The following DNM3 variants were observed in gnomAD, a reference collection of about 807,000 sequenced individuals.
DNM3 encodes dynamin 3.
DNM3 carries 47 observed loss-of-function variants against 101.6 expected under a neutral mutation model. The ratio of observed to expected loss-of-function variants is 0.46; its 90% CI spans 0.37 to 0.59. The LOEUF (loss-of-function observed/expected upper bound fraction) is 0.59. Ranked by LOEUF, DNM3 falls within the 20% of genes least tolerant of loss-of-function variation. The pLI, the probability that DNM3 is intolerant of heterozygous loss-of-function variation, is 0.00. For synonymous variants in DNM3, 385 were observed against 387.9 expected, an observed-to-expected ratio of 0.99 and a Z score of 0.09; for missense variants, 849 against 1,085.7, an observed-to-expected ratio of 0.78 and a Z score of 3.06.
At chr1:172,325,002 C>T (rs1001271868) in intron 17 of DNM3, among the ~76,000 whole-genome samples, 6 of 152,002 alleles carry the variant, frequency 3.9e-5, no homozygotes, top group African/African-American at 1.2e-4. Flanking sequence ...GTGGATTCAC[C>T]GATGAGTTAA....
intron 14 of DNM3, among the ~76,000 whole-genome samples, chr1:172,190,986 A>G (rs2059699479): frequency 6.6e-6 from 1 of 152,106 alleles, no homozygotes; most frequent in Non-Finnish European, 1.5e-5. Context: ...CTCTGATGGT[A>G]GTTTCTTTTG....
chr1:171,893,227 T>A (rs2037454691), intron 1 of DNM3, among the ~76,000 whole-genome samples: 2 of 152,218 alleles, frequency 1.3e-5, no homozygotes, highest in Non-Finnish European at 2.9e-5. Flanking sequence ...TATTTTTGTT[T>A]AAATTGCATG....
chr1:172,197,237 C>T (rs540121136), intron 14 of DNM3, among the ~76,000 whole-genome samples: 10 of 151,750 alleles, frequency 6.6e-5, no homozygotes, highest in African/African-American at 2.4e-4. Context: ...GCCTTATTTC[C>T]TGGCTTTCTA....
intron 14 of DNM3, among the ~76,000 whole-genome samples, chr1:172,184,015 GCTCAGTTA>G (rs986775081): frequency 5.3e-5 from 8 of 151,560 alleles, no homozygotes; most frequent in Admixed American, 3.3e-4. Flanking sequence ...TATGTTCTTG[GCTCAGTTA>G]CACTCAAGTA....
chr1:171,900,533 A>G (rs2038216492), intron 1 of DNM3, among the ~76,000 whole-genome samples: 1 of 152,076 alleles, frequency 6.6e-6, no homozygotes, highest in East Asian at 1.9e-4. Flanking sequence ...AATTTTCACC[A>G]CTTTTAGGAA....
In DNM3 at chr1:172,408,194, A is replaced by T; in HGVS notation, c.*353A>T. On this transcript the variant is annotated 3_prime_UTR_variant, in exon 21 of 21. Coordinates refer to ENST00000627582, the MANE Select transcript of DNM3 (RefSeq NM_015569.5). ...GGTAGCTCATTAAACGTAATTCTTC[A>T]GATATGAGATAGTGGGCTTAGACCT... 1.9e-6 allele frequency: 2 copies of T among 1,064,820 alleles called. No individual in the cohort carries two copies. Among genetic ancestry groups the T allele is most frequent in the Non-Finnish European group, 2.3e-6 (2 of 877,966 alleles). The allele number at this position is 1,064,820 out of a possible 1,614,324, so 66.0% of individuals were successfully genotyped here. A position where few individuals can be genotyped will look rare whatever the true frequency, so the allele number is the denominator to read the frequency against.
At chr1:172,072,847 A>G (rs1475670550) in intron 11 of DNM3, among the ~76,000 whole-genome samples, 1 of 152,200 alleles carries the variant, frequency 6.6e-6, no homozygotes, top group Non-Finnish European at 1.5e-5. Flanking sequence ...AGATTGCACC[A>G]TTGCACTCCA....
chr1:172,336,967 G>A (rs1263419193), intron 17 of DNM3, among the ~76,000 whole-genome samples: 1 of 152,158 alleles, frequency 6.6e-6, no homozygotes. Context: ...ATAGTGCAAG[G>A]AACAAACTTA....
At chr1:171,906,773 G>T (rs1354460777) in intron 1 of DNM3, among the ~76,000 whole-genome samples, 4 of 152,058 alleles carry the variant, frequency 2.6e-5, no homozygotes, top group Non-Finnish European at 4.4e-5. Context: ...AGGAAAAGAG[G>T]TTACATTTAT....
At chr1:172,233,469 G>T (rs969994869) in intron 14 of DNM3, among the ~76,000 whole-genome samples, 3 of 152,130 alleles carry the variant, frequency 2.0e-5, no homozygotes, top group African/African-American at 7.2e-5. Flanking sequence ...GTACAAGGAG[G>T]AACTGATACC....
chr1:171,931,691 T>A (rs941945932), intron 2 of DNM3, among the ~76,000 whole-genome samples: 2 of 152,230 alleles, frequency 1.3e-5, no homozygotes, highest in South Asian at 4.1e-4. Context: ...TACTACCATC[T>A]ATTTCTGAAT....
intron 2 of DNM3, among the ~76,000 whole-genome samples, chr1:171,947,642 A>G (rs1015568118): frequency 3.9e-5 from 6 of 152,172 alleles, no homozygotes; most frequent in Non-Finnish European, 8.8e-5. Flanking sequence ...CTAAGTTAAG[A>G]TAATAAACTA....
intron 15 of DNM3, among the ~76,000 whole-genome samples, chr1:172,270,746 A>G (rs929853673): frequency 3.3e-5 from 5 of 152,176 alleles, no homozygotes; most frequent in African/African-American, 1.2e-4. Flanking sequence ...TGCAACGTCT[A>G]ACTGTAGCGA....
At chr1:172,082,336 T>C (rs2125989349) in intron 12 of DNM3, among the ~76,000 whole-genome samples, 1 of 152,278 alleles carries the variant, frequency 6.6e-6, no homozygotes, top group South Asian at 2.1e-4. Flanking sequence ...TTTTTTTTTT[T>C]TTTTTAAACT....
intron 15 of DNM3, among the ~76,000 whole-genome samples, chr1:172,270,233 C>T (rs1298356871): frequency 2.0e-5 from 3 of 149,332 alleles, no homozygotes; most frequent in African/African-American, 7.4e-5. Context: ...AAAGTAATAA[C>T]ACCTTGCCTA....
intron 16 of DNM3, among the ~76,000 whole-genome samples, chr1:172,320,311 A>G (rs1319939765): frequency 6.6e-6 from 1 of 151,806 alleles, no homozygotes; most frequent in East Asian, 1.9e-4. Context: ...GCAGCACACC[A>G]GCATGGCACA....
chr1:172,228,467 AT>A (rs2061218197), intron 14 of DNM3, among the ~76,000 whole-genome samples: 1 of 151,916 alleles, frequency 6.6e-6, no homozygotes, highest in Non-Finnish European at 1.5e-5. Context: ...CTGTTGTCTA[AT>A]TTTTATATTA....
chr1:172,369,383 A>C (rs1403819415), intron 17 of DNM3, among the ~76,000 whole-genome samples: 1 of 152,010 alleles, frequency 6.6e-6, no homozygotes, highest in African/African-American at 2.4e-5. Flanking sequence ...CAATATAATC[A>C]TCTCAATAGA....
Position 171,841,618 on chromosome 1 carries a change from G to A in DNM3, c.-39G>A. The A allele has an allele frequency of 6.3e-7, 1 of 1,589,190 alleles. No individual in the cohort carries two copies. The highest frequency in any genetic ancestry group is 1.1e-5 in the South Asian group (1 of 87,192). On this transcript the variant is annotated 5_prime_UTR_variant, in exon 1 of 21. Coordinates refer to ENST00000627582, the MANE Select transcript of DNM3 (RefSeq NM_015569.5). ...CCCTACTCCCTGTCAGGTCGTAGAG[G>A]CGAGCAGGGACCAGCTGGTCGCCGG...
Sources: allele counts gnomAD v4.1 joint callset (sites outside exome capture counted in the v4.1 genomes callset), GRCh38; gene constraint gnomAD v4.1.1; transcripts MANE v1.5; gene names NCBI Gene and HGNC (gene_info 2026-07-23, HGNC 2026-07-21).